The following AUTS2 variants were observed in gnomAD, a reference collection of about 807,000 sequenced individuals.
AUTS2 encodes autism susceptibility gene 2 protein.
A neutral mutation model predicts 112.4 loss-of-function variants in AUTS2; 17 were observed. The observed-to-expected ratio is 0.15, with a 90% CI of 0.10 to 0.23. AUTS2 has a LOEUF of 0.23. Among genes scored for constraint, AUTS2 ranks in the 10% least tolerant of loss-of-function variants. The pLI, the probability that AUTS2 is intolerant of heterozygous loss-of-function variation, is 1.00. For missense variants in AUTS2, 1,510 were observed against 1,701.6 expected (o/e 0.89, Z 1.98); for synonymous variants, 751 against 702.7 (o/e 1.07, Z -1.09).
intron 2 of AUTS2, among the ~76,000 whole-genome samples, chr7:70,036,116 C>T (rs748741314): frequency 2.0e-5 from 3 of 152,166 alleles, no homozygotes; most frequent in Non-Finnish European, 2.9e-5. Context: ...GTAGCGGCGC[C>T]GGCCAGAGGT....
chr7:69,645,733 G>T (rs2129125696), intron 1 of AUTS2, among the ~76,000 whole-genome samples: 1 of 152,230 alleles, frequency 6.6e-6, no homozygotes, highest in African/African-American at 2.4e-5. Context: ...GGGTTATGGG[G>T]CAGGGGGAGA....
intron 2 of AUTS2, among the ~76,000 whole-genome samples, chr7:69,901,014 T>C (rs1346374486): frequency 6.6e-6 from 1 of 152,200 alleles, no homozygotes; most frequent in Non-Finnish European, 1.5e-5. Flanking sequence ...ATAAAGTGAC[T>C]TGTCTGAGGC....
At chr7:70,702,270 G>A (rs1185520429) in intron 6 of AUTS2, among the ~76,000 whole-genome samples, 1 of 152,232 alleles carries the variant, frequency 6.6e-6, no homozygotes, top group Non-Finnish European at 1.5e-5. Context: ...TCTGTTTATA[G>A]GATGCCAGTC....
rs942358361 is a variant in AUTS2, at chr7:70,340,194, A to ACACACACACCCCC, written c.661-95557_661-95556insACACACACCCCCC. Among the ~76,000 whole-genome samples the ACACACACACCCCC allele has an allele frequency of 1.6e-3, 243 of 151,094 alleles. 1 individual carries two copies. Among genetic ancestry groups the ACACACACACCCCC allele is most frequent in the African/African-American group, 5.6e-3 (231 of 41,072 alleles). The stretch of plus-strand genomic sequence containing the variant: ...CACACACACACACACACACACACAC[A>ACACACACACCCCC]CCCCGTAATAAGTTAAGAGTCTTTG... On this transcript the variant is annotated intron_variant, in intron 4 of 18. Coordinates refer to ENST00000342771, the MANE Select transcript of AUTS2 (RefSeq NM_015570.4).
chr7:69,650,456 C>T (rs1433143056), intron 1 of AUTS2, among the ~76,000 whole-genome samples: 1 of 152,160 alleles, frequency 6.6e-6, no homozygotes, highest in Admixed American at 6.5e-5. Context: ...GGATTCCTGG[C>T]CACTGTAAAG....
chr7:69,983,126 C>G (rs146164448), intron 2 of AUTS2, among the ~76,000 whole-genome samples: 108 of 152,252 alleles, frequency 7.1e-4, no homozygotes, highest in African/African-American at 1.8e-3. Context: ...TAGGAAAAGC[C>G]TATTATAAAC....
At chr7:70,581,587 A>G (rs1802447353) in intron 5 of AUTS2, among the ~76,000 whole-genome samples, 1 of 152,122 alleles carries the variant, frequency 6.6e-6, no homozygotes, top group Non-Finnish European at 1.5e-5. Flanking sequence ...TTAACCAGAG[A>G]CTAACTATGC....
chr7:69,925,966 C>T (rs1445776715), intron 2 of AUTS2, among the ~76,000 whole-genome samples: 1 of 152,202 alleles, frequency 6.6e-6, no homozygotes, highest in Non-Finnish European at 1.5e-5. Flanking sequence ...GCCTGGGCAA[C>T]ATAGTGAGAC....
At chr7:69,874,218 C>T (rs548568535) in intron 1 of AUTS2, among the ~76,000 whole-genome samples, 5 of 143,362 alleles carry the variant, frequency 3.5e-5, no homozygotes, top group African/African-American at 1.3e-4. Context: ...CATAGTGAGA[C>T]CGTGTGTCAA....
intron 1 of AUTS2, among the ~76,000 whole-genome samples, chr7:69,649,510 T>C (rs1795193810): frequency 1.3e-5 from 2 of 152,148 alleles, no homozygotes; most frequent in African/African-American, 4.8e-5. Flanking sequence ...AGTCTCACTG[T>C]ATGCTTTTTT....
chr7:70,574,931 G>T (rs1028232016), intron 5 of AUTS2, among the ~76,000 whole-genome samples: 3 of 152,216 alleles, frequency 2.0e-5, no homozygotes, highest in Non-Finnish European at 4.4e-5. Flanking sequence ...GGACAGAGAG[G>T]TTGTTCATTT....
chr7:69,950,807 A>G (rs1796994836), intron 2 of AUTS2, among the ~76,000 whole-genome samples: 1 of 152,084 alleles, frequency 6.6e-6, no homozygotes, highest in African/African-American at 2.4e-5. Flanking sequence ...TAAGTACTAC[A>G]TTTACATATT....
chr7:70,065,298 G>C (rs999534568), intron 2 of AUTS2, among the ~76,000 whole-genome samples: 1 of 152,098 alleles, frequency 6.6e-6, no homozygotes, highest in Non-Finnish European at 1.5e-5. Context: ...ACAGTAACAT[G>C]AAAGAAATGT....
chr7:70,611,056 G>T (rs567127290), intron 5 of AUTS2, among the ~76,000 whole-genome samples: 1 of 152,184 alleles, frequency 6.6e-6, no homozygotes. Context: ...ATGTCATGGG[G>T]TATTTCCCCT....
intron 5 of AUTS2, among the ~76,000 whole-genome samples, chr7:70,680,016 AG>A (rs763123000): frequency 3.5e-4 from 54 of 152,354 alleles, no homozygotes; most frequent in Middle Eastern, 3.4e-3. Flanking sequence ...TGTCTCAGTG[AG>A]GAAGCTGAAT....
intron 2 of AUTS2, among the ~76,000 whole-genome samples, chr7:70,015,266 T>C (rs1303242816): frequency 2.0e-5 from 3 of 152,246 alleles, no homozygotes; most frequent in African/African-American, 7.2e-5. Flanking sequence ...ACACACATTT[T>C]GTTCCTTGCT....
chr7:70,296,476 A>G (rs1360700255), intron 4 of AUTS2, among the ~76,000 whole-genome samples: 5 of 152,356 alleles, frequency 3.3e-5, no homozygotes, highest in African/African-American at 1.2e-4. Flanking sequence ...GATATCAAAT[A>G]TATCAGCATT....
intron 1 of AUTS2, among the ~76,000 whole-genome samples, chr7:69,650,095 T>C (rs1187768661): frequency 6.6e-6 from 1 of 152,120 alleles, no homozygotes; most frequent in African/African-American, 2.4e-5. Flanking sequence ...TGAATATAAA[T>C]TAGGTGACAA....
At chr7:70,117,117 G>T (rs6964328) in intron 2 of AUTS2, among the ~76,000 whole-genome samples, 5,122 of 71,940 alleles carry the variant, frequency 0.071, 153 homozygotes, top group African/African-American at 0.081. Flanking sequence ...TTTTTTTTTT[G>T]TTTTTTTTTG....
Sources: gnomAD v4.1 joint callset for allele counts (sites outside exome capture counted in the v4.1 genomes callset) on GRCh38, gnomAD v4.1.1 for gene constraint, MANE v1.5 for transcripts, NCBI Gene and HGNC (gene_info 2026-07-23, HGNC 2026-07-21) for gene names.